Variants in ADK observed in about 807,000 individuals in gnomAD.
ADK encodes N6,N6-dimethyladenosine kinase.
Under a neutral mutation model 44.7 loss-of-function variants are expected in ADK, and 24 were observed. That is an observed-to-expected ratio of 0.54 (90% CI 0.39 to 0.76). The LOEUF is 0.76. Ranked by LOEUF, ADK falls within the 30% of genes least tolerant of loss-of-function variation. The pLI, the probability that ADK is intolerant of heterozygous loss-of-function variation, is 0.00. For synonymous variants in ADK, 128 were observed against 142.6 expected (o/e 0.90, Z 0.73); for missense variants, 321 against 425.1 (o/e 0.76, Z 2.15).
chr10:74,284,012 G>A (rs111776043), intron 3 of ADK, among the ~76,000 whole-genome samples: 5 of 151,736 alleles, frequency 3.3e-5, no homozygotes, highest in Non-Finnish European at 7.4e-5. Context: ...AGGCTGGAGT[G>A]CAATGGTTTG....
chr10:74,248,204 T>C (rs1009076394), intron 3 of ADK, among the ~76,000 whole-genome samples: 2 of 152,198 alleles, frequency 1.3e-5, no homozygotes, highest in Admixed American at 1.3e-4. Context: ...GAAAACTTTC[T>C]AGTAGTAAAG....
chr10:74,327,700 A>G (rs552717374), intron 4 of ADK, among the ~76,000 whole-genome samples: 1 of 152,284 alleles, frequency 6.6e-6, no homozygotes, highest in African/African-American at 2.4e-5. Context: ...CACAACCTGT[A>G]CATGTAACAA....
intron 4 of ADK, among the ~76,000 whole-genome samples, chr10:74,380,892 A>G (rs1259948410): frequency 6.6e-6 from 1 of 152,232 alleles, no homozygotes; most frequent in Non-Finnish European, 1.5e-5. Flanking sequence ...ATAGCTTTAA[A>G]GTTGTCCCGC....
intron 9 of ADK, among the ~76,000 whole-genome samples, chr10:74,632,226 G>C (rs1464951100): frequency 1.3e-5 from 2 of 152,038 alleles, no homozygotes; most frequent in African/African-American, 4.8e-5. Context: ...TTCTGTGTTA[G>C]GCTTCTTTCA....
intron 3 of ADK, among the ~76,000 whole-genome samples, chr10:74,240,404 G>GTGTGTC (rs1554833217): frequency 1.3e-5 from 2 of 151,200 alleles, no homozygotes; most frequent in Non-Finnish European, 3.0e-5. Context: ...GTGTGTGTCT[G>GTGTGTC]TGTGTGTGTG....
At chr10:74,288,666 C>G (rs191801311) in intron 3 of ADK, among the ~76,000 whole-genome samples, 131 of 152,136 alleles carry the variant, frequency 8.6e-4, no homozygotes, top group African/African-American at 3.1e-3. Flanking sequence ...GAAAAGTGAA[C>G]ATAAACTTTT....
intron 4 of ADK, among the ~76,000 whole-genome samples, chr10:74,360,493 C>T (rs1395539202): frequency 3.3e-5 from 5 of 151,960 alleles, no homozygotes; most frequent in African/African-American, 4.8e-5. Flanking sequence ...AATTGAAATC[C>T]CCTACTATTA....
intron 9 of ADK, among the ~76,000 whole-genome samples, chr10:74,619,384 G>A (rs1302832706): frequency 6.6e-6 from 1 of 151,932 alleles, no homozygotes; most frequent in Admixed American, 6.6e-5. Context: ...GAACCCAGGA[G>A]GCAGAGGTTG....
At chr10:74,246,125 G>T (rs923056936) in intron 3 of ADK, among the ~76,000 whole-genome samples, 1 of 151,992 alleles carries the variant, frequency 6.6e-6, no homozygotes, top group African/African-American at 2.4e-5. Flanking sequence ...TGGGAGGGGG[G>T]GGTCAGGGGT....
chr10:74,570,262 T>C (rs1306345413), intron 7 of ADK, among the ~76,000 whole-genome samples: 1 of 152,130 alleles, frequency 6.6e-6, no homozygotes, highest in Non-Finnish European at 1.5e-5. Flanking sequence ...TGCGGGCTCT[T>C]TTTTGATTCC....
At chr10:74,424,614 T>TTTA (rs1014633197) in intron 6 of ADK, among the ~76,000 whole-genome samples, 1 of 151,292 alleles carries the variant, frequency 6.6e-6, no homozygotes, top group African/African-American at 2.4e-5. Context: ...TATCCTAAAT[T>TTTA]TTATTATTAT....
At chr10:74,278,041 T>C (rs1235120406) in intron 3 of ADK, among the ~76,000 whole-genome samples, 3 of 151,980 alleles carry the variant, frequency 2.0e-5, no homozygotes, top group South Asian at 2.1e-4. Context: ...TGGTCAGTAA[T>C]AGAAAAATGT....
At chr10:74,159,038 A>C (rs1841826338) in intron 1 of ADK, among the ~76,000 whole-genome samples, 2 of 152,214 alleles carry the variant, frequency 1.3e-5, no homozygotes, top group African/African-American at 4.8e-5. Context: ...TGATTTATCA[A>C]AGCAGATTTA....
intron 9 of ADK, among the ~76,000 whole-genome samples, chr10:74,612,632 T>C (rs1430113042): frequency 1.3e-5 from 2 of 152,178 alleles, no homozygotes; most frequent in Non-Finnish European, 2.9e-5. Flanking sequence ...AACTCTTTAG[T>C]TAAGTTACAA....
intron 6 of ADK, among the ~76,000 whole-genome samples, chr10:74,410,055 A>G (rs899046470): frequency 2.0e-5 from 3 of 152,184 alleles, no homozygotes; most frequent in Non-Finnish European, 4.4e-5. Flanking sequence ...AAGAAATCAT[A>G]TGTTTGAAAT....
At chr10:74,493,509 T>G (rs912407946) in intron 6 of ADK, among the ~76,000 whole-genome samples, 3 of 151,260 alleles carry the variant, frequency 2.0e-5, no homozygotes, top group African/African-American at 7.3e-5. Context: ...GAGATATAGA[T>G]ATATAGATAT....
chr10:74,569,273 A>C (rs1425336676), intron 7 of ADK, among the ~76,000 whole-genome samples: 1 of 152,150 alleles, frequency 6.6e-6, no homozygotes, highest in Non-Finnish European at 1.5e-5. Context: ...ATGATTTATA[A>C]TCCCTTGGGT....
chr10:74,204,511 G>A (rs1843518198), intron 2 of ADK, among the ~76,000 whole-genome samples: 1 of 152,072 alleles, frequency 6.6e-6, no homozygotes, highest in Non-Finnish European at 1.5e-5. Context: ...CAAAGGGTAA[G>A]GCAAGAATTT....
chr10:74,354,201 A>C (rs1038001158), intron 4 of ADK, among the ~76,000 whole-genome samples: 5 of 152,232 alleles, frequency 3.3e-5, no homozygotes, highest in Non-Finnish European at 7.3e-5. Flanking sequence ...AGCATGTGGA[A>C]TTAGTTCTTG....
Sources: allele counts gnomAD v4.1 joint callset (sites outside exome capture counted in the v4.1 genomes callset), GRCh38; gene constraint gnomAD v4.1.1; transcripts MANE v1.5; gene names NCBI Gene and HGNC (gene_info 2026-07-23, HGNC 2026-07-21).